Variants in CLEC4E observed in about 807,000 individuals in gnomAD.
CLEC4E encodes the protein C-type lectin domain family 4 member E.
In CLEC4E, 21 loss-of-function variants were observed where a neutral mutation model predicts 24.7. The observed-to-expected ratio is 0.85, with a 90% CI of 0.60 to 1.22. CLEC4E has a LOEUF of 1.22. Ranked by LOEUF, CLEC4E falls within the 50% of genes most tolerant of loss-of-function variation. The pLI is 0.00. For synonymous variants in CLEC4E, 94 were observed against 85.7 expected (o/e 1.10, Z -0.54); for missense variants, 249 against 254.1 (o/e 0.98, Z 0.14).
intron 3 of CLEC4E, among the ~76,000 whole-genome samples, chr12:8,538,740 T>C (rs1361732538): frequency 6.6e-6 from 1 of 152,224 alleles, no homozygotes; most frequent in Non-Finnish European, 1.5e-5. Context: ...TTGAGGTCTA[T>C]TATAAATAAT....
At chr12:8,537,966 G>C (rs942778425) in intron 3 of CLEC4E, among the ~76,000 whole-genome samples, 1 of 152,250 alleles carries the variant, frequency 6.6e-6, no homozygotes, top group Non-Finnish European at 1.5e-5. Flanking sequence ...CGAGCCTTCC[G>C]TTATGCCCGG....
chr12:8,536,148 G>A lies in CLEC4E; in HGVS notation c.430C>T (p.Gln144Ter). The A allele has an allele frequency of 6.2e-7, 1 of 1,613,218 alleles. No homozygotes were observed. The highest frequency in any genetic ancestry group is 1.7e-4 in the Middle Eastern group (1 of 6,056). The change falls in exon 5 of 6, where the codon CAG becomes TAG. Residue 144 changes from glutamine to a stop codon, truncating the protein, a stop_gained. Coordinates refer to ENST00000299663, the MANE Select transcript of CLEC4E (RefSeq NM_014358.4). LOFTEE classifies it high-confidence loss of function. ...MREFFIGLSD[Q>*]VVEGQWQWVD... The stretch of plus-strand genomic sequence containing the variant: ...CATTGCCACTGACCCTCGACAACCT[G>A]GTCTGACAGTCCAATAAAAAACTCT...
At chr12:8,539,369 G>T in intron 2 of CLEC4E, 63 bp from the exon 3 acceptor site, 3 of 1,025,050 alleles carry the variant, frequency 2.9e-6, no homozygotes, top group Non-Finnish European at 4.4e-6. Flanking sequence ...AGTTCCCTCA[G>T]TTTTGTATTT....
In CLEC4E at chr12:8,540,384, CT is replaced by C. The variant is rs747207313; in HGVS notation, c.37+376del. Among the ~76,000 whole-genome samples the C allele has an allele frequency of 7.1e-3, 1,034 of 144,754 alleles. 8 individuals carry two copies. The highest frequency in any genetic ancestry group is 0.022 in the African/African-American group (878 of 39,628). The allele number at this position is 144,754 out of a possible 152,430, so 95.0% of individuals were successfully genotyped here. A position where few individuals can be genotyped will look rare whatever the true frequency, so the allele number is the denominator to read the frequency against. ...TTGCTTTTCTTGTCCTTCTCCTGAT[CT>C]TTTTTTTTTTTCTGTGTCTCACTTT... On this transcript the variant is annotated intron_variant, in intron 1 of 5. Coordinates refer to ENST00000299663, the MANE Select transcript of CLEC4E (RefSeq NM_014358.4).
intron 4 of CLEC4E, 97 bp from the exon 5 acceptor site, chr12:8,536,302 T>G (rs1185591679): frequency 1.5e-6 from 1 of 675,336 alleles, no homozygotes; most frequent in Non-Finnish European, 2.5e-6. Flanking sequence ...CTGGATGAGA[T>G]CCTAGCACTT....
chr12:8,539,407 T>C (rs140048818), intron 2 of CLEC4E, 101 bp from the exon 3 acceptor site: 2 of 761,204 alleles, frequency 2.6e-6, no homozygotes, highest in East Asian at 2.5e-5. Context: ...AATTATCATG[T>C]TTTTTCTTAC....
At chr12:8,538,507 C>T (rs1048258269) in intron 3 of CLEC4E, among the ~76,000 whole-genome samples, 1 of 152,228 alleles carries the variant, frequency 6.6e-6, no homozygotes, top group African/African-American at 2.4e-5. Context: ...GCCCCTTTCA[C>T]CTTGTATCCA....
In CLEC4E at chr12:8,540,848, TC is replaced by T; in HGVS notation, c.-52del. On this transcript the variant is annotated 5_prime_UTR_variant, in exon 1 of 6. Coordinates refer to ENST00000299663, the MANE Select transcript of CLEC4E (RefSeq NM_014358.4). ...TTCTCTCTCTCTCTTTTTCTCTCCC[TC>T]CCTCTCTTTCTTTCTCCTCAGGAGT... The T allele has an allele frequency of 6.1e-6, 7 of 1,148,860 alleles. No homozygotes were observed. The highest frequency in any genetic ancestry group is 9.2e-6 in the Non-Finnish European group (7 of 757,432). 71.2% of individuals were successfully genotyped at this position (1,148,860 alleles called of 1,614,324 possible).
At chr12:8,539,429 T>A (rs1441128927) in intron 2 of CLEC4E, 123 bp from the exon 3 acceptor site, 1 of 680,842 alleles carries the variant, frequency 1.5e-6, no homozygotes, top group African/African-American at 1.8e-5. Context: ...ATCTGCTTTT[T>A]CTTACGACCC....
chr12:8,534,781 T>C lies in CLEC4E; in HGVS notation c.517A>G (p.Ile173Val), dbSNP rs201811623. The change falls in exon 6 of 6, where the codon ATA becomes GTA. Residue 173 changes from isoleucine (I) to valine (V), a missense_variant. Transcript: ENST00000299663. ...GTGGCACAGTCCTCCAGGGTAGCTA[T>C]GTTGTTGGGCTCCCCTACATCCCAG... is the stretch of plus-strand genomic sequence containing the variant. Reference protein sequence around the residue: ...SFWDVGEPNNIATLEDCATMR... With the variant: ...SFWDVGEPNNVATLEDCATMR... 4 of 1,613,876 alleles carry C rather than the reference T, an allele frequency of 2.5e-6. No homozygotes were observed. The highest frequency in any genetic ancestry group is 4.5e-5 in the East Asian group (2 of 44,874).
chr12:8,537,163 G>A lies in CLEC4E; in HGVS notation c.324C>T (p.Cys108=), dbSNP rs376364851. 14 of 1,614,036 alleles carry A rather than the reference G, an allele frequency of 8.7e-6. No homozygotes were observed. Among genetic ancestry groups the A allele is most frequent in the Non-Finnish European group, 1.0e-5 (12 of 1,179,992 alleles). ...TISWALSLKN[C]SAMGAHLVVI... ...CCACCAGGTGAGCCCCCATGGCTGA[G>A]CAGTTCTTTAAACTTAACGCCCAGG... Residue 108 remains cysteine, a synonymous_variant, in exon 4 of 6, where the codon TGC becomes TGT. Coordinates refer to ENST00000299663, the MANE Select transcript of CLEC4E (RefSeq NM_014358.4).
chr12:8,534,456 A>C lies in CLEC4E; in HGVS notation c.*182T>G. 1 of 483,296 alleles carries C rather than the reference A, an allele frequency of 2.1e-6. No individual in the cohort carries two copies. The highest frequency in any genetic ancestry group is 3.7e-6 in the Non-Finnish European group (1 of 273,944). 29.9% of individuals were successfully genotyped at this position (483,296 alleles called of 1,614,324 possible). ...GGACCTGAGACTAACGTAGAGAGAA[A>C]ATGCACTTCAGCCAGTAACATGAAT... On this transcript the variant is annotated 3_prime_UTR_variant, in exon 6 of 6. Transcript: ENST00000299663.
chr12:8,537,140 A>G lies in CLEC4E; in HGVS notation c.347T>C (p.Val116Ala). The G allele has an allele frequency of 3.1e-6, 5 of 1,613,662 alleles. No individual in the cohort carries two copies. The highest frequency in any genetic ancestry group is 2.5e-6 in the Non-Finnish European group (3 of 1,179,680). Residue 116 changes from valine to alanine, a missense_variant, in exon 4 of 6, where the codon GTG becomes GCG. Physicochemically the swap from Val to Ala is moderately conservative, Grantham distance 64 (BLOSUM62 0). Coordinates refer to ENST00000299663, the MANE Select transcript of CLEC4E (RefSeq NM_014358.4). Reference protein sequence around the residue: ...KNCSAMGAHLVVINSQEEQEF... With the variant: ...KNCSAMGAHLAVINSQEEQEF... ...CTGCTCCTCCTGTGAGTTGATAACC[A>G]CCAGGTGAGCCCCCATGGCTGAGCA...
intron 3 of CLEC4E, among the ~76,000 whole-genome samples, 169 bp from the exon 4 acceptor site, chr12:8,537,435 T>G (rs1453544919): frequency 1.3e-5 from 2 of 152,202 alleles, no homozygotes; most frequent in East Asian, 3.8e-4. Flanking sequence ...TCAAGAAACA[T>G]AAACAGAATG....
Position 8,534,713 on chromosome 12 carries a change from T to A in CLEC4E, c.585A>T (p.Val195=). 6.2e-7 allele frequency: 1 copy of A among 1,614,038 alleles called. No individual in the cohort carries two copies. Among genetic ancestry groups the A allele is most frequent in the Non-Finnish European group, 8.5e-7 (1 of 1,179,912 alleles). ...SSNPRQNWND[V]TCFLNYFRIC... Reference sequence around the variant, plus strand: ...TCCGAAAATAATTGAGGAAACAGGTTACATCATTCCAATTTTGCCTTGGGT... The same window carrying A: ...TCCGAAAATAATTGAGGAAACAGGTAACATCATTCCAATTTTGCCTTGGGT... The change falls in exon 6 of 6, where the codon GTA becomes GTT. Residue 195 remains valine (V), a synonymous_variant. Transcript: ENST00000299663.
At chr12:8,537,306 C>T (rs1257184587) in intron 3 of CLEC4E, 40 bp from the exon 4 acceptor site, 8 of 1,580,158 alleles carry the variant, frequency 5.1e-6, no homozygotes, top group South Asian at 3.4e-5. Flanking sequence ...CCAGGTGAAC[C>T]GAATAAGAAA....
chr12:8,534,659 C>A lies in CLEC4E; in HGVS notation c.639G>T (p.Leu213Phe), dbSNP rs373912455. ...RICEMVGINP[L>F]NKGKSL is the part of the protein sequence containing the mutation. The stretch of plus-strand genomic sequence containing the variant: ...GTTCTTAAAGAGATTTTCCTTTGTT[C>A]AAAGGATTTATTCCTACCATTTCAC... Residue 213 changes from leucine (L) to phenylalanine (F), a missense_variant, in exon 6 of 6, where the codon TTG (leucine) becomes TTT (phenylalanine). Transcript: ENST00000299663. 6.2e-7 allele frequency: 1 copy of A among 1,612,910 alleles called. No homozygotes were observed. The highest frequency in any genetic ancestry group is 1.3e-5 in the African/African-American group (1 of 74,764).
chr12:8,539,144 G>A (rs1330571603), intron 3 of CLEC4E, 73 bp downstream of exon 3: 3 of 1,059,430 alleles, frequency 2.8e-6, no homozygotes, highest in South Asian at 1.3e-5. Context: ...TATCTCACCT[G>A]TCCCAAAGTC....
intron 4 of CLEC4E, 59 bp downstream of exon 4, chr12:8,537,056 T>A (rs1940625016): frequency 4.5e-6 from 7 of 1,539,348 alleles, no homozygotes; most frequent in Non-Finnish European, 6.2e-6. Context: ...TGCATATGTA[T>A]GAAAAGAGAG....
Sources: allele counts gnomAD v4.1 joint callset (sites outside exome capture counted in the v4.1 genomes callset), GRCh38; gene constraint gnomAD v4.1.1; transcripts MANE v1.5; gene names NCBI Gene and HGNC (gene_info 2026-07-23, HGNC 2026-07-21).